The following KIF6 variants were observed in gnomAD, a reference collection of about 807,000 sequenced individuals.
The protein encoded by KIF6 is kinesin-like protein KIF6.
A neutral mutation model predicts 112.7 loss-of-function variants in KIF6; 106 were observed. The observed-to-expected ratio is 0.94, with a 90% CI of 0.80 to 1.11. KIF6 has a LOEUF of 1.11. Ranked by LOEUF, KIF6 falls within the 50% of genes least tolerant of loss-of-function variation. KIF6 has a pLI of 0.00. For missense variants in KIF6, 929 were observed against 964.0 expected, an observed-to-expected ratio of 0.96 and a Z score of 0.48; for synonymous variants, 339 against 339.9, an observed-to-expected ratio of 1.00 and a Z score of 0.03.
intron 11 of KIF6, among the ~76,000 whole-genome samples, chr6:39,545,376 T>C (rs1183801416): frequency 6.6e-6 from 1 of 152,188 alleles, no homozygotes; most frequent in Non-Finnish European, 1.5e-5. Flanking sequence ...GAATTAGAAG[T>C]CCATGGCCTG....
At chr6:39,660,561 G>A (rs1184053718) in intron 3 of KIF6, among the ~76,000 whole-genome samples, 1 of 152,190 alleles carries the variant, frequency 6.6e-6, no homozygotes, top group Non-Finnish European at 1.5e-5. Flanking sequence ...TCCTTCAACA[G>A]CAGAAATCCT....
At chr6:39,374,758 G>T (rs1345540203) in intron 16 of KIF6, among the ~76,000 whole-genome samples, 2 of 152,184 alleles carry the variant, frequency 1.3e-5, no homozygotes, top group Non-Finnish European at 2.9e-5. Flanking sequence ...GAGAACCCTT[G>T]TACACTGTTG....
intron 2 of KIF6, among the ~76,000 whole-genome samples, chr6:39,715,378 G>T (rs78545084): frequency 6.6e-6 from 1 of 152,080 alleles, no homozygotes; most frequent in Non-Finnish European, 1.5e-5. Context: ...AATCAGATTG[G>T]CAATGGCTTA....
At chr6:39,570,128 T>C (rs1216904241) in intron 10 of KIF6, among the ~76,000 whole-genome samples, 2 of 152,236 alleles carry the variant, frequency 1.3e-5, no homozygotes, top group African/African-American at 4.8e-5. Flanking sequence ...ATTTAAACTA[T>C]ATTTAGTCTT....
chr6:39,366,426 C>T (rs1234722135), intron 16 of KIF6, among the ~76,000 whole-genome samples: 1 of 152,132 alleles, frequency 6.6e-6, no homozygotes, highest in Non-Finnish European at 1.5e-5. Flanking sequence ...TAGGGGGATT[C>T]CAGTGGGGAA....
At chr6:39,388,787 A>G (rs897949525) in intron 15 of KIF6, among the ~76,000 whole-genome samples, 16 of 152,150 alleles carry the variant, frequency 1.1e-4, no homozygotes, top group Non-Finnish European at 2.4e-4. Context: ...ATCCCCATCC[A>G]GAGGTATGGA....
intron 13 of KIF6, among the ~76,000 whole-genome samples, chr6:39,454,704 C>T (rs1215680135): frequency 2.0e-5 from 3 of 152,264 alleles, no homozygotes; most frequent in South Asian, 2.1e-4. Flanking sequence ...ATTGCCTCAC[C>T]TGGGAAGCGC....
At chr6:39,650,191 A>T (rs186849759) in intron 3 of KIF6, among the ~76,000 whole-genome samples, 3 of 152,298 alleles carry the variant, frequency 2.0e-5, no homozygotes, top group Admixed American at 2.0e-4. Flanking sequence ...CTCTTAAAGG[A>T]TCTTCGAGGT....
In KIF6 at chr6:39,359,168, A is replaced by C. The variant is rs150375897; in HGVS notation, c.2082+1227T>G. Reference sequence around the variant, plus strand: ...TCTGGCTCTCAGTTTTCTTGTCCTTAAAATGAAGGGATCAGCCTGTCAGAT... The same window carrying C: ...TCTGGCTCTCAGTTTTCTTGTCCTTCAAATGAAGGGATCAGCCTGTCAGAT... On this transcript the variant is annotated intron_variant, in intron 18 of 22. Coordinates refer to ENST00000287152, the MANE Select transcript of KIF6 (RefSeq NM_145027.6). 2.7e-3 allele frequency among the ~76,000 whole-genome samples: 417 copies of C among 152,266 alleles called. 2 individuals are homozygous for C. The highest frequency in any genetic ancestry group is 0.017 in the Middle Eastern group (5 of 294).
intron 3 of KIF6, among the ~76,000 whole-genome samples, chr6:39,693,129 T>C (rs1582463580): frequency 6.6e-6 from 1 of 152,098 alleles, no homozygotes; most frequent in Non-Finnish European, 1.5e-5. Context: ...TATGAGAATA[T>C]CCTCCAGGAG....
intron 3 of KIF6, among the ~76,000 whole-genome samples, chr6:39,670,606 G>C (rs1049024639): frequency 6.6e-6 from 1 of 152,066 alleles, no homozygotes; most frequent in Non-Finnish European, 1.5e-5. Context: ...GCAGACTCGG[G>C]GTGGGTGACA....
chr6:39,483,117 G>C (rs1774902165), intron 13 of KIF6, among the ~76,000 whole-genome samples: 1 of 152,198 alleles, frequency 6.6e-6, no homozygotes, highest in Non-Finnish European at 1.5e-5. Context: ...CTCTGCCAAA[G>C]AAGCTGTTTT....
chr6:39,658,505 C>A (rs528989501), intron 3 of KIF6, among the ~76,000 whole-genome samples: 1 of 152,156 alleles, frequency 6.6e-6, no homozygotes, highest in Admixed American at 6.5e-5. Flanking sequence ...AATACTCTTA[C>A]AACATGTTTC....
intron 6 of KIF6, among the ~76,000 whole-genome samples, chr6:39,607,075 T>G (rs1310235157): frequency 6.6e-6 from 1 of 152,188 alleles, no homozygotes; most frequent in Non-Finnish European, 1.5e-5. Context: ...TTGCTGTTGT[T>G]GGTGAATGTC....
intron 10 of KIF6, among the ~76,000 whole-genome samples, chr6:39,559,323 C>A (rs536945946): frequency 1.3e-5 from 2 of 152,148 alleles, no homozygotes; most frequent in South Asian, 4.2e-4. Flanking sequence ...ATTACTTGGG[C>A]CTCCCCTCTT....
At chr6:39,467,171 A>G (rs147540498) in intron 13 of KIF6, among the ~76,000 whole-genome samples, 21 of 152,344 alleles carry the variant, frequency 1.4e-4, no homozygotes, top group Non-Finnish European at 2.1e-4. Context: ...GTGGTAGCCA[A>G]TGAAAAGGAC....
At chr6:39,347,744 C>T (rs1175532965) in intron 19 of KIF6, among the ~76,000 whole-genome samples, 3 of 152,232 alleles carry the variant, frequency 2.0e-5, no homozygotes, top group Non-Finnish European at 4.4e-5. Context: ...ACAGACCTGA[C>T]AAACTGCGTG....
intron 13 of KIF6, among the ~76,000 whole-genome samples, chr6:39,482,025 C>G (rs1239158350): frequency 1.3e-5 from 2 of 151,806 alleles, no homozygotes; most frequent in Non-Finnish European, 2.9e-5. Context: ...CACACACACA[C>G]ACACACACAC....
intron 5 of KIF6, among the ~76,000 whole-genome samples, chr6:39,631,001 T>G (rs1248579039): frequency 1.3e-5 from 2 of 152,092 alleles, no homozygotes; most frequent in Admixed American, 1.3e-4. Flanking sequence ...GAACTAGTCT[T>G]GCATACCTTA....
Sources: gnomAD v4.1 joint callset for allele counts (sites outside exome capture counted in the v4.1 genomes callset) on GRCh38, gnomAD v4.1.1 for gene constraint, MANE v1.5 for transcripts, NCBI Gene and HGNC (gene_info 2026-07-23, HGNC 2026-07-21) for gene names.